The following GALNTL6 variants were observed in gnomAD, a reference collection of about 807,000 sequenced individuals.
GALNTL6 encodes polypeptide N-acetylgalactosaminyltransferase-like 6.
GALNTL6 carries 46 observed loss-of-function variants against 73.7 expected under a neutral mutation model. That is an observed-to-expected ratio of 0.62 (90% CI 0.49 to 0.80). GALNTL6 has a LOEUF of 0.80. Among genes scored for constraint, GALNTL6 ranks in the 30% least tolerant of loss-of-function variants. The probability of loss-of-function intolerance (pLI) is 0.00; values close to 1 mark genes in which losing one functional copy is unlikely to be tolerated. For missense variants in GALNTL6, 604 were observed against 755.0 expected (o/e 0.80, Z 2.34); for synonymous variants, 259 against 263.7 (o/e 0.98, Z 0.17).
chr4:172,066,397 A>G (rs1264226662), intron 2 of GALNTL6, among the ~76,000 whole-genome samples: 1 of 152,024 alleles, frequency 6.6e-6, no homozygotes, highest in Non-Finnish European at 1.5e-5. Flanking sequence ...ATGCATTTAT[A>G]TTTCCGCCAT....
intron 10 of GALNTL6, among the ~76,000 whole-genome samples, chr4:172,975,135 T>G (rs1317250043): frequency 1.3e-5 from 2 of 152,220 alleles, no homozygotes; most frequent in Non-Finnish European, 2.9e-5. Context: ...CTTGAGTTTT[T>G]GTCCTGCATC....
At chr4:172,661,790 A>T (rs1579304002) in intron 5 of GALNTL6, among the ~76,000 whole-genome samples, 2 of 152,308 alleles carry the variant, frequency 1.3e-5, no homozygotes, top group South Asian at 4.1e-4. Context: ...GAAATCCAGG[A>T]AATCAACAAC....
intron 2 of GALNTL6, among the ~76,000 whole-genome samples, chr4:172,041,836 TG>T (rs1201913044): frequency 6.6e-6 from 1 of 152,046 alleles, no homozygotes; most frequent in African/African-American, 2.4e-5. Context: ...TCCTTGACTC[TG>T]GTCTAGCCCG....
intron 10 of GALNTL6, among the ~76,000 whole-genome samples, chr4:172,983,778 AGT>A (rs1751175678): frequency 6.6e-6 from 1 of 152,184 alleles, no homozygotes; most frequent in Admixed American, 6.5e-5. Context: ...ATGGAAAGCA[AGT>A]AGCATAGGGC....
At chr4:172,093,576 A>G (rs1394713976) in intron 2 of GALNTL6, among the ~76,000 whole-genome samples, 1 of 152,162 alleles carries the variant, frequency 6.6e-6, no homozygotes, top group African/African-American at 2.4e-5. Context: ...GGAGGTGAGT[A>G]GCCCGCAAGG....
At chr4:172,287,327 T>A (rs1204169545) in intron 3 of GALNTL6, among the ~76,000 whole-genome samples, 1 of 152,266 alleles carries the variant, frequency 6.6e-6, no homozygotes, top group African/African-American at 2.4e-5. Context: ...CCACAGCTAA[T>A]AGGCCTCATG....
chr4:172,425,792 A>G (rs1363260852), intron 5 of GALNTL6, among the ~76,000 whole-genome samples: 1 of 152,066 alleles, frequency 6.6e-6, no homozygotes, highest in Non-Finnish European at 1.5e-5. Context: ...AATGTCAATA[A>G]AGAAGAAAAG....
chr4:172,774,772 C>A (rs1479255432), intron 5 of GALNTL6, among the ~76,000 whole-genome samples: 1 of 151,992 alleles, frequency 6.6e-6, no homozygotes, highest in East Asian at 1.9e-4. Context: ...CCAGCCTGGG[C>A]AACACGGTGA....
chr4:172,182,116 T>C (rs1367794620), intron 2 of GALNTL6, among the ~76,000 whole-genome samples: 2 of 152,114 alleles, frequency 1.3e-5, no homozygotes, highest in Non-Finnish European at 2.9e-5. Flanking sequence ...ACACCAGTAA[T>C]AGACAAACAA....
At position 173,040,194 on chromosome 4, in the gene GALNTL6, G is replaced by T; in HGVS notation, c.*94G>T. 1.1e-6 allele frequency: 1 copy of T among 921,816 alleles called. No individual in the cohort carries two copies. Among genetic ancestry groups the T allele is most frequent in the Non-Finnish European group, 1.6e-6 (1 of 622,824 alleles). 57.1% of individuals were successfully genotyped at this position (921,816 alleles called of 1,614,324 possible). On this transcript the variant is annotated 3_prime_UTR_variant, in exon 13 of 13. Transcript: ENST00000506823. Reference sequence around the variant, plus strand: ...AAGGAGTCAGGAATAACATTTCCTCGATCCAGGAAGGCTGGTTTAAAAATT... The same window carrying T: ...AAGGAGTCAGGAATAACATTTCCTCTATCCAGGAAGGCTGGTTTAAAAATT...
chr4:172,670,429 G>C (rs377649773), intron 5 of GALNTL6, among the ~76,000 whole-genome samples: 1 of 151,924 alleles, frequency 6.6e-6, no homozygotes, highest in Admixed American at 6.6e-5. Context: ...TCATATGCAT[G>C]TTGGTTGCAT....
At chr4:172,052,530 A>C (rs1449993895) in intron 2 of GALNTL6, 2 of 1,531,428 alleles carry the variant, frequency 1.3e-6, no homozygotes, top group Non-Finnish European at 8.7e-7. Context: ...CTGGTTTACC[A>C]GGTAACCGGT....
At chr4:172,482,649 T>C (rs901312387) in intron 5 of GALNTL6, among the ~76,000 whole-genome samples, 3 of 152,210 alleles carry the variant, frequency 2.0e-5, no homozygotes, top group African/African-American at 7.2e-5. Flanking sequence ...TCTCAACATT[T>C]AGGATTAACT....
intron 5 of GALNTL6, among the ~76,000 whole-genome samples, chr4:172,373,619 G>A (rs192843896): frequency 1.5e-3 from 221 of 152,058 alleles, no homozygotes; most frequent in African/African-American, 5.1e-3. Context: ...CCCTTCCAAT[G>A]CACAGACTTC....
At chr4:172,610,000 C>T (rs554127552) in intron 5 of GALNTL6, among the ~76,000 whole-genome samples, 8 of 152,000 alleles carry the variant, frequency 5.3e-5, no homozygotes, top group Admixed American at 5.3e-4. Flanking sequence ...TCATAATATT[C>T]TCTTATGGTT....
intron 2 of GALNTL6, among the ~76,000 whole-genome samples, chr4:172,200,812 G>A (rs1735927354): frequency 6.6e-6 from 1 of 152,178 alleles, no homozygotes; most frequent in African/African-American, 2.4e-5. Context: ...AATTGTTACA[G>A]GGTGAGTTAT....
intron 3 of GALNTL6, among the ~76,000 whole-genome samples, chr4:172,289,585 T>C (rs1739389655): frequency 1.3e-5 from 2 of 152,230 alleles, no homozygotes; most frequent in African/African-American, 4.8e-5. Flanking sequence ...ACCTACTCTT[T>C]TGACATTCTC....
intron 3 of GALNTL6, among the ~76,000 whole-genome samples, chr4:172,286,414 T>TA (rs2111089855): frequency 6.6e-6 from 1 of 152,218 alleles, no homozygotes; most frequent in Admixed American, 6.5e-5. Flanking sequence ...GTCATGCAGA[T>TA]AAATAGGATG....
At chr4:172,246,107 A>C (rs1737647840) in intron 3 of GALNTL6, among the ~76,000 whole-genome samples, 2 of 152,180 alleles carry the variant, frequency 1.3e-5, no homozygotes, top group Admixed American at 6.6e-5. Context: ...ATAAGATGAG[A>C]AAATAAGATT....
Sources: gnomAD v4.1 joint callset for allele counts (sites outside exome capture counted in the v4.1 genomes callset) on GRCh38, gnomAD v4.1.1 for gene constraint, MANE v1.5 for transcripts, NCBI Gene and HGNC (gene_info 2026-07-23, HGNC 2026-07-21) for gene names.